Variants in TBCK observed in about 807,000 individuals in gnomAD.
The protein encoded by TBCK is TBC domain-containing protein kinase-like protein.
TBCK carries 99 observed loss-of-function variants against 113.4 expected under a neutral mutation model. That is an observed-to-expected ratio of 0.87 (90% confidence interval 0.74 to 1.03). TBCK has a LOEUF of 1.03. TBCK is among the 50% of genes least tolerant of loss of function. The pLI, the probability that TBCK is intolerant of heterozygous loss-of-function variation, is 0.00. For synonymous variants in TBCK, 369 were observed against 370.8 expected, an observed-to-expected ratio of 1.00 and a Z score of 0.05; for missense variants, 1,045 against 1,061.3, an observed-to-expected ratio of 0.98 and a Z score of 0.21.
At chr4:106,184,237 A>G (rs1036265343) in intron 22 of TBCK, among the ~76,000 whole-genome samples, 4 of 152,084 alleles carry the variant, frequency 2.6e-5, no homozygotes, top group African/African-American at 9.6e-5. Flanking sequence ...TGTCAGTACC[A>G]TGCTCACTCA....
intron 3 of TBCK, among the ~76,000 whole-genome samples, chr4:106,290,862 T>C (rs193022790): frequency 3.3e-5 from 5 of 152,332 alleles, no homozygotes; most frequent in Admixed American, 2.6e-4. Flanking sequence ...CTGTGAACCA[T>C]GCATGCGAGT....
chr4:106,247,068 T>G, intron 10 of TBCK, 71 bp downstream of exon 10: 1 of 1,472,308 alleles, frequency 6.8e-7, no homozygotes, highest in Non-Finnish European at 9.2e-7. Flanking sequence ...AGTTCAAAAC[T>G]GAAAGTAGGA....
chr4:106,187,238 T>C (rs1363954413), intron 22 of TBCK, among the ~76,000 whole-genome samples: 2 of 151,964 alleles, frequency 1.3e-5, no homozygotes, highest in East Asian at 1.9e-4. Flanking sequence ...TTTGGTTCCA[T>C]ATAAATTTTA....
intron 19 of TBCK, among the ~76,000 whole-genome samples, chr4:106,221,707 A>G (rs1757702076): frequency 6.6e-6 from 1 of 152,154 alleles, no homozygotes; most frequent in African/African-American, 2.4e-5. Context: ...AAAGGATTCA[A>G]TGGAATCATA....
chr4:106,283,615 A>G (rs959563479), intron 3 of TBCK, among the ~76,000 whole-genome samples: 1 of 152,138 alleles, frequency 6.6e-6, no homozygotes, highest in Admixed American at 6.5e-5. Flanking sequence ...ATTAAAACTA[A>G]TTGTACAATT....
intron 25 of TBCK, among the ~76,000 whole-genome samples, chr4:106,065,962 G>A (rs1736595741): frequency 6.6e-6 from 1 of 151,992 alleles, no homozygotes; most frequent in Non-Finnish European, 1.5e-5. Context: ...TGTATTTAAT[G>A]TGGAAGCAGG....
At chr4:106,181,958 C>A (rs1752446674) in intron 22 of TBCK, among the ~76,000 whole-genome samples, 1 of 152,062 alleles carries the variant, frequency 6.6e-6, no homozygotes, top group African/African-American at 2.4e-5. Context: ...TTACTTTGGG[C>A]AGTAAGGCTA....
At chr4:106,086,784 A>G (rs1739565254) in intron 25 of TBCK, among the ~76,000 whole-genome samples, 1 of 152,226 alleles carries the variant, frequency 6.6e-6, no homozygotes, top group Admixed American at 6.5e-5. Flanking sequence ...CAACAGATGC[A>G]AATCGATAAA....
intron 19 of TBCK, among the ~76,000 whole-genome samples, chr4:106,221,195 G>C (rs1328396974): frequency 6.6e-6 from 1 of 152,102 alleles, no homozygotes; most frequent in Non-Finnish European, 1.5e-5. Flanking sequence ...CTGTTTGCCA[G>C]GCTGGTCTCG....
intron 25 of TBCK, among the ~76,000 whole-genome samples, chr4:106,061,446 T>TTC (rs921134953): frequency 6.6e-6 from 1 of 151,138 alleles, no homozygotes; most frequent in African/African-American, 2.4e-5. Flanking sequence ...TACTTTTTTT[T>TTC]TTTTTTTTAG....
chr4:106,083,559 T>C (rs1364990868), intron 25 of TBCK, among the ~76,000 whole-genome samples: 1 of 152,134 alleles, frequency 6.6e-6, no homozygotes, highest in Non-Finnish European at 1.5e-5. Flanking sequence ...TTCCCCCCAG[T>C]GAAACACACC....
rs866476273 is a variant in TBCK, at chr4:106,156,950, T to C, written c.2235+14145A>G. Reference sequence around the variant, plus strand: ...TCATAGTCTCTCCCCATAGCCATCATAGCTAGTAATGTGCTGAGTTTCACC... The same window carrying C: ...TCATAGTCTCTCCCCATAGCCATCACAGCTAGTAATGTGCTGAGTTTCACC... On this transcript the variant is annotated intron_variant, in intron 23 of 25. Transcript: ENST00000394708. Among the ~76,000 whole-genome samples the C allele has an allele frequency of 1.2e-4, 19 of 152,296 alleles. No homozygotes were observed. The Middle Eastern group carries it at 0.02, about 164-fold the overall frequency.
At chr4:106,251,695 C>T (rs1394363764) in intron 6 of TBCK, among the ~76,000 whole-genome samples, 171 bp downstream of exon 6, 1 of 151,726 alleles carries the variant, frequency 6.6e-6, no homozygotes, top group Non-Finnish European at 1.5e-5. Context: ...TCCAGAGATG[C>T]CAAAAAATAT....
At chr4:106,155,763 T>C (rs1333905111) in intron 23 of TBCK, among the ~76,000 whole-genome samples, 1 of 152,122 alleles carries the variant, frequency 6.6e-6, no homozygotes, top group Non-Finnish European at 1.5e-5. Context: ...ATGAAATTTA[T>C]CTGGTAGAAT....
At chr4:106,064,952 A>G (rs949565853) in intron 25 of TBCK, among the ~76,000 whole-genome samples, 2 of 151,962 alleles carry the variant, frequency 1.3e-5, no homozygotes, top group African/African-American at 2.4e-5. Context: ...ATCACGATTT[A>G]CTTTCAGGAA....
intron 25 of TBCK, among the ~76,000 whole-genome samples, chr4:106,063,259 G>C (rs1175668468): frequency 6.6e-6 from 1 of 151,952 alleles, no homozygotes; most frequent in Non-Finnish European, 1.5e-5. Context: ...GGTATAACAA[G>C]ATCAAGAAAG....
At chr4:106,179,988 ACTT>A (rs1021864205) in intron 22 of TBCK, among the ~76,000 whole-genome samples, 13 of 151,904 alleles carry the variant, frequency 8.6e-5, no homozygotes, top group East Asian at 1.9e-4. Context: ...CATATAATGG[ACTT>A]CTTTTGTCTT....
At chr4:106,271,751 C>CAAAA (rs749925685) in intron 3 of TBCK, among the ~76,000 whole-genome samples, 1 of 77,962 alleles carries the variant, frequency 1.3e-5, no homozygotes, top group African/African-American at 5.0e-5. Context: ...GACTTTGTCC[C>CAAAA]AAAAAAAAAA....
At chr4:106,243,982 A>T (rs1314177660) in intron 11 of TBCK, among the ~76,000 whole-genome samples, 1 of 152,142 alleles carries the variant, frequency 6.6e-6, no homozygotes, top group African/African-American at 2.4e-5. Flanking sequence ...CACCATGCCC[A>T]GCCTAAAATT....
Sources: gnomAD v4.1 joint callset for allele counts (sites outside exome capture counted in the v4.1 genomes callset) on GRCh38, gnomAD v4.1.1 for gene constraint, MANE v1.5 for transcripts, NCBI Gene and HGNC (gene_info 2026-07-23, HGNC 2026-07-21) for gene names.